CPT2: variants seen among roughly 807,000 people sequenced by gnomAD.
CPT2 encodes the protein carnitine O-palmitoyltransferase 2, mitochondrial.
Under a neutral mutation model 48.6 loss-of-function variants are expected in CPT2, and 37 were observed. That is an observed-to-expected ratio of 0.76 (90% CI 0.59 to 1.00). The LOEUF is 1.00. CPT2 is among the 50% of genes least tolerant of loss of function. The probability of loss-of-function intolerance (pLI) is 0.00; values close to 1 mark genes in which losing one functional copy is unlikely to be tolerated. For synonymous variants in CPT2, 319 were observed against 326.9 expected, an observed-to-expected ratio of 0.98 and a Z score of 0.26; for missense variants, 772 against 825.6, an observed-to-expected ratio of 0.94 and a Z score of 0.80.
At chr1:53,197,431 G>C (rs2100255683) in intron 1 of CPT2, 1 of 411,178 alleles carries the variant, frequency 2.4e-6, no homozygotes, top group Non-Finnish European at 4.5e-6. Flanking sequence ...CATATTTCCA[G>C]CGCCGCTGTA....
intron 2 of CPT2, chr1:53,201,646 G>A (rs1645355271): frequency 6.5e-6 from 1 of 153,530 alleles, no homozygotes. Context: ...TCAAAAAGTG[G>A]ATTGCATTAA....
intron 3 of CPT2, chr1:53,203,997 C>T (rs79291282): frequency 5.3e-5 from 8 of 152,160 alleles, no homozygotes; most frequent in Non-Finnish European, 1.2e-4. Flanking sequence ...GAGACTTAAT[C>T]TTTTGACTAC....
rs1475193715 is a variant in CPT2, at chr1:53,213,341, C to T, written c.1723C>T (p.Leu575=). The change falls in exon 5 of 5, where the codon CTG becomes TTG. Residue 575 remains leucine (L), a synonymous_variant. Transcript: ENST00000371486. ...AGGGATCATCTTGCCTGAGCTCTACCTGGACCCTGCATACGGGCAGATAAA... is the reference window on the plus strand; with the variant it reads ...AGGGATCATCTTGCCTGAGCTCTACTTGGACCCTGCATACGGGCAGATAAA... ...AKGIILPELY[L]DPAYGQINHN... is the part of the protein sequence containing the mutation. 6.2e-7 allele frequency: 1 copy of T among 1,614,136 alleles called. No individual in the cohort carries two copies. Among genetic ancestry groups the T allele is most frequent in the Non-Finnish European group, 8.5e-7 (1 of 1,180,064 alleles).
rs750820184 is a variant in CPT2 at position 53,210,610 on chromosome 1, G to A, written c.936G>A (p.Glu312=). The A allele has an allele frequency of 7.4e-6, 12 of 1,614,028 alleles. No individual in the cohort carries two copies. Among genetic ancestry groups the A allele is most frequent in the East Asian group, 2.2e-5 (1 of 44,888 alleles). ...AGAAGCTGATGAGTAGTGGCAATGAGGAGAGCCTGAGGAAAGTGGACTCGG... is the reference window on the plus strand; with the variant it reads ...AGAAGCTGATGAGTAGTGGCAATGAAGAGAGCCTGAGGAAAGTGGACTCGG... ...LRQKLMSSGN[E]ESLRKVDSAV... is the part of the protein sequence containing the mutation. Residue 312 remains glutamate (E), a synonymous_variant, in exon 4 of 5, where the codon GAG becomes GAA. Transcript: ENST00000371486.
intron 4 of CPT2, among the ~76,000 whole-genome samples, chr1:53,212,209 C>T (rs1156407673): frequency 6.6e-6 from 1 of 152,168 alleles, no homozygotes; most frequent in East Asian, 1.9e-4. Flanking sequence ...GGACTACAGG[C>T]TTATGCCACC....
rs1645328186 is a variant in CPT2, at chr1:53,197,090, G to A, written c.147G>A (p.Leu49=). Residue 49 remains leucine, a synonymous_variant, in exon 1 of 5, where the codon CTG becomes CTA. Transcript: ENST00000371486. ...IVPTMHYQDS[L]PRLPIPKLED... Reference sequence around the variant, plus strand: ...CCACCATGCACTACCAGGACAGCCTGCCCAGGTGAGCCTGGCCTCCGGGTC... The same window carrying A: ...CCACCATGCACTACCAGGACAGCCTACCCAGGTGAGCCTGGCCTCCGGGTC... 6.5e-7 allele frequency: 1 copy of A among 1,538,316 alleles called. No homozygotes were observed. Among genetic ancestry groups the A allele is most frequent in the Non-Finnish European group, 8.7e-7 (1 of 1,146,468 alleles).
At position 53,213,304 on chromosome 1, in the gene CPT2, G is replaced by A; in HGVS notation, c.1686G>A (p.Leu562=). Residue 562 remains leucine (L), a synonymous_variant, in exon 5 of 5, where the codon CTG becomes CTA. Transcript: ENST00000371486. ...GACACTTGTTTGCTCTGCGGCATCT[G>A]GCAGCAGCCAAAGGGATCATCTTGC... is the stretch of plus-strand genomic sequence containing the variant. ...FDRHLFALRH[L]AAAKGIILPE... is the part of the protein sequence containing the mutation. 2 of 1,614,200 alleles carry A rather than the reference G, an allele frequency of 1.2e-6. No homozygotes were observed. Among genetic ancestry groups the A allele is most frequent in the South Asian group, 1.1e-5 (1 of 91,080 alleles).
intron 3 of CPT2, among the ~76,000 whole-genome samples, chr1:53,206,141 C>T (rs866600160): frequency 2.3e-4 from 34 of 150,022 alleles, no homozygotes; most frequent in African/African-American, 7.4e-4. Flanking sequence ...CAAGATAGCA[C>T]CACTGCACTC....
At chr1:53,198,824 A>G (rs1482725638) in intron 1 of CPT2, among the ~76,000 whole-genome samples, 1 of 152,170 alleles carries the variant, frequency 6.6e-6, no homozygotes, top group Non-Finnish European at 1.5e-5. Context: ...TTAAGCAACC[A>G]ACCTCCCCCA....
intron 3 of CPT2, chr1:53,208,082 T>C (rs1443806048): frequency 6.6e-6 from 1 of 152,218 alleles, no homozygotes; most frequent in Non-Finnish European, 1.5e-5. Context: ...ATTCTTTTGC[T>C]AAAGGGGGGT....
chr1:53,211,615 T>C, intron 4 of CPT2: 1 of 413,096 alleles, frequency 2.4e-6, no homozygotes, highest in South Asian at 3.8e-5. Context: ...TTTTTTTTTT[T>C]TTTGGAGACA....
At position 53,210,726 on chromosome 1, in the gene CPT2, G is replaced by A. The variant is rs1645419457; in HGVS notation, c.1052G>A (p.Trp351Ter). 6.2e-7 allele frequency: 1 copy of A among 1,614,190 alleles called. No individual in the cohort carries two copies. Among genetic ancestry groups the A allele is most frequent in the Non-Finnish European group, 8.5e-7 (1 of 1,180,036 alleles). ...NMLHGDGTNRWFDKSFNLIIA... is the reference protein window; with the variant it reads ...NMLHGDGTNR ...CTGCATGGGGATGGCACAAACCGCT[G>A]GTTTGATAAATCCTTTAACCTCATT... is the stretch of plus-strand genomic sequence containing the variant. Residue 351 changes from tryptophan to a stop codon, truncating the protein, a stop_gained, in exon 4 of 5, where the codon TGG becomes TAG. Transcript: ENST00000371486. LOFTEE classifies it high-confidence loss of function.
chr1:53,212,729 A>C (rs1229047144), intron 4 of CPT2: 3 of 407,874 alleles, frequency 7.4e-6, no homozygotes, highest in Non-Finnish European at 1.3e-5. Context: ...GAAGTGCTGG[A>C]AGTGAAAGGG....
At chr1:53,200,992 C>A in intron 2 of CPT2, 193 bp downstream of exon 2, 1 of 644,160 alleles carries the variant, frequency 1.6e-6, no homozygotes, top group Non-Finnish European at 2.8e-6. Context: ...GAGAGTTCCT[C>A]TAAACAGGCT....
intron 2 of CPT2, chr1:53,201,980 T>A (rs1645356787): frequency 3.2e-6 from 1 of 316,654 alleles, no homozygotes; most frequent in Non-Finnish European, 6.1e-6. Flanking sequence ...AAGTAACTTA[T>A]CCAAGATCAC....
chr1:53,200,334 C>A, intron 1 of CPT2: 1 of 189,224 alleles, frequency 5.3e-6, no homozygotes, highest in Non-Finnish European at 1.1e-5. Flanking sequence ...TTCATTTTAT[C>A]CTAGGGGAGA....
At chr1:53,206,261 G>T (rs1557715564) in intron 3 of CPT2, among the ~76,000 whole-genome samples, 1 of 151,678 alleles carries the variant, frequency 6.6e-6, no homozygotes, top group Non-Finnish European at 1.5e-5. Flanking sequence ...TGTCCAGGCA[G>T]AAGTCTGCTG....
Position 53,213,682 on chromosome 1 carries a change from ATTT to A in CPT2, c.*89_*91del. The A allele has an allele frequency of 8.1e-7, 1 of 1,233,878 alleles. No individual in the cohort carries two copies. Among genetic ancestry groups the A allele is most frequent in the African/African-American group, 1.5e-5 (1 of 67,818 alleles). 76.4% of individuals were successfully genotyped at this position (1,233,878 alleles called of 1,614,324 possible). On this transcript the variant is annotated 3_prime_UTR_variant, in exon 5 of 5. Coordinates refer to ENST00000371486, the MANE Select transcript of CPT2 (RefSeq NM_000098.3). Reference sequence around the variant, plus strand: ...GGTGGCTCATGCCTGTAATCCCAGCATTTTGAGAGGCTGAGGCGGGTGGATCAC... The same window carrying A: ...GGTGGCTCATGCCTGTAATCCCAGCATGAGAGGCTGAGGCGGGTGGATCAC...
chr1:53,199,681 T>G (rs1020749808), intron 1 of CPT2: 1 of 152,242 alleles, frequency 6.6e-6, no homozygotes, highest in Non-Finnish European at 1.5e-5. Context: ...TCTGAGTAAG[T>G]CAGTGAATGT....
Sources: allele counts gnomAD v4.1 joint callset (sites outside exome capture counted in the v4.1 genomes callset), GRCh38; gene constraint gnomAD v4.1.1; transcripts MANE v1.5; gene names NCBI Gene and HGNC (gene_info 2026-07-23, HGNC 2026-07-21).